AGBL1: variants seen among roughly 807,000 people sequenced by gnomAD.
AGBL1 encodes the protein cytosolic carboxypeptidase 4.
A neutral mutation model predicts 118.9 loss-of-function variants in AGBL1; 130 were observed. That is an observed-to-expected ratio of 1.09 (90% CI 0.95 to 1.26). AGBL1 has a LOEUF of 1.26. AGBL1 is among the 50% of genes most tolerant of loss of function. The pLI, the probability that AGBL1 is intolerant of heterozygous loss-of-function variation, is 0.00. For synonymous variants in AGBL1, 555 were observed against 478.9 expected (o/e 1.16, Z -2.08); for missense variants, 1,584 against 1,298.1 (o/e 1.22, Z -3.38).
chr15:86,375,044 C>T (rs571720932), intron 17 of AGBL1, among the ~76,000 whole-genome samples: 2 of 152,328 alleles, frequency 1.3e-5, no homozygotes, highest in East Asian at 3.9e-4. Context: ...GAATCTGTCA[C>T]ACTCCTTCTC....
chr15:86,552,860 T>C (rs949836535), intron 20 of AGBL1, among the ~76,000 whole-genome samples: 2 of 152,084 alleles, frequency 1.3e-5, no homozygotes, highest in African/African-American at 4.8e-5. Flanking sequence ...TTTTAGATGA[T>C]TGTAAGTCTG....
intron 22 of AGBL1, among the ~76,000 whole-genome samples, chr15:86,694,348 T>C (rs905512659): frequency 9.9e-5 from 15 of 152,074 alleles, no homozygotes; most frequent in African/African-American, 3.6e-4. Context: ...TTTAATTTTT[T>C]TTGCAGCTAA....
chr15:86,418,369 G>T (rs982757269), intron 18 of AGBL1, among the ~76,000 whole-genome samples: 2 of 152,138 alleles, frequency 1.3e-5, no homozygotes, highest in African/African-American at 4.8e-5. Context: ...CTCACTGAAG[G>T]CCTGTTAAGC....
At chr15:86,991,801 A>T (rs8031800) in intron 24 of AGBL1, among the ~76,000 whole-genome samples, 15,019 of 152,186 alleles carry the variant, frequency 0.099, 1,315 homozygotes, top group African/African-American at 0.23. Context: ...GTAATCACCA[A>T]GGACACCCAA....
intron 6 of AGBL1, among the ~76,000 whole-genome samples, chr15:86,237,699 T>A (rs1259786217): frequency 6.6e-6 from 1 of 152,156 alleles, no homozygotes; most frequent in Admixed American, 6.5e-5. Flanking sequence ...CCTATACAAA[T>A]TTCTAGGCCT....
chr15:86,369,135 TAAAC>T (rs2080933113), intron 17 of AGBL1, among the ~76,000 whole-genome samples: 1 of 152,228 alleles, frequency 6.6e-6, no homozygotes, highest in Admixed American at 6.5e-5. Flanking sequence ...AGAAGAATAA[TAAAC>T]AAGAGATGAC....
intron 5 of AGBL1, among the ~76,000 whole-genome samples, chr15:86,163,104 C>A (rs2077289846): frequency 6.6e-6 from 1 of 152,172 alleles, no homozygotes; most frequent in African/African-American, 2.4e-5. Context: ...TTTTCCATTC[C>A]TCCTAGCCCA....
intron 23 of AGBL1, among the ~76,000 whole-genome samples, chr15:86,925,164 G>A (rs71408864): frequency 0.59 from 72,614 of 122,628 alleles, 21,881 homozygotes; most frequent in East Asian, 0.68. Flanking sequence ...AGGAGGAGGA[G>A]GAGGAAGAGG....
At chr15:86,670,281 A>C (rs570660529) in intron 21 of AGBL1, among the ~76,000 whole-genome samples, 1 of 152,152 alleles carries the variant, frequency 6.6e-6, no homozygotes, top group South Asian at 2.1e-4. Context: ...TGCCAGTTTC[A>C]GCATGAGGGT....
intron 23 of AGBL1, among the ~76,000 whole-genome samples, chr15:86,934,594 A>C (rs2080644073): frequency 6.6e-6 from 1 of 152,192 alleles, no homozygotes; most frequent in Non-Finnish European, 1.5e-5. Flanking sequence ...AGATGGCTAA[A>C]ATAAATATTT....
intron 22 of AGBL1, among the ~76,000 whole-genome samples, chr15:86,784,361 T>C (rs2078376508): frequency 6.6e-6 from 1 of 152,244 alleles, no homozygotes; most frequent in South Asian, 2.1e-4. Context: ...GACGTGGTTA[T>C]GCAAATTCCA....
At chr15:86,490,853 T>C (rs1362441308) in intron 18 of AGBL1, among the ~76,000 whole-genome samples, 1 of 152,052 alleles carries the variant, frequency 6.6e-6, no homozygotes, top group Non-Finnish European at 1.5e-5. Flanking sequence ...CTTAACAGAT[T>C]CCAAGTCTCT....
chr15:86,319,089 C>A lies in AGBL1; in HGVS notation c.2374+23681C>A, dbSNP rs566867043. Among the ~76,000 whole-genome samples the A allele has an allele frequency of 2.0e-5, 3 of 152,282 alleles. No individual in the cohort carries two copies. The South Asian group carries it at 6.2e-4, about 32-fold the overall frequency. Reference sequence around the variant, plus strand: ...TATGAACAGACTGACATTTACTTATCCAATCTACTTTTGATAACATCCGAG... The same window carrying A: ...TATGAACAGACTGACATTTACTTATACAATCTACTTTTGATAACATCCGAG... On this transcript the variant is annotated intron_variant, in intron 17 of 22. Transcript: ENST00000614907.
Position 86,447,746 on chromosome 15 carries a change from C to A in AGBL1, c.2555+50200C>A, listed in dbSNP as rs1354191509. Reference sequence around the variant, plus strand: ...AGGGCCAAGCACTATTTAAGGCCAGCGCGGAATATCTGGAGTTGAGAAGGC... The same window carrying A: ...AGGGCCAAGCACTATTTAAGGCCAGAGCGGAATATCTGGAGTTGAGAAGGC... On this transcript the variant is annotated intron_variant, in intron 18 of 22. Coordinates refer to ENST00000614907, the MANE Select transcript of AGBL1 (RefSeq NM_001386094.1). Among the ~76,000 whole-genome samples, 51 of 152,206 alleles carry A rather than the reference C, an allele frequency of 3.4e-4. 1 individual carries two copies. Among genetic ancestry groups the A allele is most frequent in the Non-Finnish European group, 1.0e-4 (7 of 68,018 alleles).
At chr15:86,588,263 A>G (rs1355926098) in intron 21 of AGBL1, among the ~76,000 whole-genome samples, 1 of 152,232 alleles carries the variant, frequency 6.6e-6, no homozygotes, top group Non-Finnish European at 1.5e-5. Context: ...ATGTGAATAA[A>G]GAAGTTATAT....
At chr15:86,728,252 T>C (rs1245098646) in intron 22 of AGBL1, among the ~76,000 whole-genome samples, 1 of 152,202 alleles carries the variant, frequency 6.6e-6, no homozygotes, top group Non-Finnish European at 1.5e-5. Flanking sequence ...ACCTGGGGCC[T>C]TTGGCTTCCT....
chr15:87,023,466 C>T (rs186051089), intron 24 of AGBL1, among the ~76,000 whole-genome samples: 1 of 152,140 alleles, frequency 6.6e-6, no homozygotes, highest in African/African-American at 2.4e-5. Flanking sequence ...AACACTGGAG[C>T]TCCCAAATTT....
intron 6 of AGBL1, among the ~76,000 whole-genome samples, chr15:86,244,086 A>AATAAATAAATAT (rs879539861): frequency 1.0e-4 from 15 of 149,598 alleles, no homozygotes; most frequent in South Asian, 4.2e-4. Context: ...TAAATAAATA[A>AATAAATAAATAT]ATATATATAT....
chr15:86,122,795 G>A (rs1898164260), intron 1 of AGBL1, among the ~76,000 whole-genome samples: 1 of 152,120 alleles, frequency 6.6e-6, no homozygotes, highest in Non-Finnish European at 1.5e-5. Flanking sequence ...GACTAGTTCA[G>A]GCCATGATGG....
Sources: allele counts gnomAD v4.1 joint callset (sites outside exome capture counted in the v4.1 genomes callset), GRCh38; gene constraint gnomAD v4.1.1; transcripts MANE v1.5; gene names NCBI Gene and HGNC (gene_info 2026-07-23, HGNC 2026-07-21).